KCNN2: variants seen among roughly 807,000 people sequenced by gnomAD.
KCNN2 encodes potassium calcium-activated channel subfamily N member 2.
Under a neutral mutation model 55.5 loss-of-function variants are expected in KCNN2, and 24 were observed. The ratio of observed to expected loss-of-function variants is 0.43; its 90% CI spans 0.31 to 0.61. KCNN2 has a LOEUF of 0.61. KCNN2 is among the 20% of genes least tolerant of loss of function. The pLI is 0.08. For missense variants in KCNN2, 754 were observed against 853.6 expected, an observed-to-expected ratio of 0.88 and a Z score of 1.45; for synonymous variants, 431 against 336.1, an observed-to-expected ratio of 1.28 and a Z score of -3.09.
At chr5:114,070,953 A>G (rs1750556156) in intron 1 of KCNN2, among the ~76,000 whole-genome samples, 1 of 152,232 alleles carries the variant, frequency 6.6e-6, no homozygotes, top group Non-Finnish European at 1.5e-5. Context: ...ATATTCGTAT[A>G]TTACCTGAAT....
At chr5:114,344,073 C>G (rs529744773) in intron 2 of KCNN2, among the ~76,000 whole-genome samples, 7 of 152,140 alleles carry the variant, frequency 4.6e-5, no homozygotes, top group African/African-American at 1.7e-4. Flanking sequence ...CCAGAGATCT[C>G]GAGTTTAGCC....
At chr5:114,108,961 T>C (rs1398049097) in intron 1 of KCNN2, among the ~76,000 whole-genome samples, 1 of 150,408 alleles carries the variant, frequency 6.6e-6, no homozygotes, top group Non-Finnish European at 1.5e-5. Context: ...CCAGAGTGGT[T>C]TATTTATTTT....
intron 1 of KCNN2, among the ~76,000 whole-genome samples, chr5:114,215,356 G>C (rs116467640): frequency 6.6e-6 from 1 of 152,126 alleles, no homozygotes; most frequent in South Asian, 2.1e-4. Flanking sequence ...TTTATAGTAA[G>C]CTGGGAGTAA....
At chr5:114,149,270 G>A (rs60553494) in intron 1 of KCNN2, among the ~76,000 whole-genome samples, 6 of 152,184 alleles carry the variant, frequency 3.9e-5, no homozygotes, top group African/African-American at 1.2e-4. Context: ...AGACCTTATC[G>A]TCGAGACCGA....
At chr5:114,301,822 C>A (rs549960086) in intron 2 of KCNN2, among the ~76,000 whole-genome samples, 1 of 152,294 alleles carries the variant, frequency 6.6e-6, no homozygotes, top group East Asian at 1.9e-4. Flanking sequence ...TGTGGCAAAA[C>A]TACATTTGCT....
chr5:114,376,334 A>T (rs1757945163), intron 2 of KCNN2, among the ~76,000 whole-genome samples: 1 of 152,342 alleles, frequency 6.6e-6, no homozygotes, highest in South Asian at 2.1e-4. Context: ...CGGAACACTC[A>T]GTGGGCCTGC....
At chr5:114,194,956 C>T (rs1753522217) in intron 1 of KCNN2, among the ~76,000 whole-genome samples, 1 of 151,420 alleles carries the variant, frequency 6.6e-6, no homozygotes, top group African/African-American at 2.4e-5. Context: ...CTATTGTTTC[C>T]CCATTCAATT....
chr5:114,129,692 G>A (rs912159773), intron 1 of KCNN2, among the ~76,000 whole-genome samples: 1 of 152,188 alleles, frequency 6.6e-6, no homozygotes, highest in African/African-American at 2.4e-5. Context: ...GAATACCTGA[G>A]TTTCACACGT....
intron 1 of KCNN2, among the ~76,000 whole-genome samples, chr5:114,155,355 G>A (rs1348567763): frequency 1.3e-5 from 2 of 152,154 alleles, no homozygotes; most frequent in Non-Finnish European, 2.9e-5. Context: ...ACATACATGT[G>A]CATCTGTCTT....
At chr5:114,276,911 A>C (rs1188320513) in intron 2 of KCNN2, among the ~76,000 whole-genome samples, 4 of 152,094 alleles carry the variant, frequency 2.6e-5, no homozygotes, top group Admixed American at 2.6e-4. Flanking sequence ...CGATTAATTG[A>C]TGCAAACAGT....
intron 4 of KCNN2, among the ~76,000 whole-genome samples, chr5:114,472,061 C>G (rs796921284): frequency 1.3e-5 from 2 of 152,288 alleles, no homozygotes; most frequent in African/African-American, 4.8e-5. Flanking sequence ...TTCTGTGGTC[C>G]TCTCAGGGTT....
At chr5:114,292,667 T>C (rs1473417296) in intron 2 of KCNN2, among the ~76,000 whole-genome samples, 3 of 152,118 alleles carry the variant, frequency 2.0e-5, no homozygotes, top group African/African-American at 7.2e-5. Context: ...ATTGACTTGG[T>C]GACGCGGGCT....
intron 2 of KCNN2, among the ~76,000 whole-genome samples, chr5:114,403,982 A>G (rs1232958435): frequency 6.6e-6 from 1 of 152,190 alleles, no homozygotes; most frequent in Admixed American, 6.5e-5. Context: ...AAGAACGCTC[A>G]TGTGTTGTTG....
intron 2 of KCNN2, among the ~76,000 whole-genome samples, chr5:114,257,343 C>T (rs1755004417): frequency 6.6e-6 from 1 of 151,472 alleles, no homozygotes; most frequent in African/African-American, 2.4e-5. Context: ...TATTTGGGCT[C>T]TTTTTTGGTT....
chr5:114,401,999 G>T (rs867591110), intron 2 of KCNN2, among the ~76,000 whole-genome samples: 1 of 152,204 alleles, frequency 6.6e-6, no homozygotes, highest in African/African-American at 2.4e-5. Flanking sequence ...TGGTAATGGA[G>T]AGTGAAGGAT....
At chr5:114,490,742 C>T in intron 6 of KCNN2, 1 of 398,150 alleles carries the variant, frequency 2.5e-6, no homozygotes, top group Non-Finnish European at 4.4e-6. Flanking sequence ...GCAGAATTTT[C>T]TACTGGCTGC....
intron 2 of KCNN2, among the ~76,000 whole-genome samples, chr5:114,402,993 C>G (rs756610183): frequency 1.3e-5 from 2 of 152,116 alleles, no homozygotes; most frequent in Admixed American, 6.5e-5. Flanking sequence ...GTGCGAGGAG[C>G]AAGTGCATTG....
At chr5:114,465,654 A>G (rs747598163) in intron 4 of KCNN2, among the ~76,000 whole-genome samples, 1 of 152,046 alleles carries the variant, frequency 6.6e-6, no homozygotes, top group African/African-American at 2.4e-5. Flanking sequence ...ACCATTAAAT[A>G]TATGTGGACA....
chr5:114,300,107 A>T (rs376751028), intron 2 of KCNN2, among the ~76,000 whole-genome samples: 1 of 151,938 alleles, frequency 6.6e-6, no homozygotes, highest in Non-Finnish European at 1.5e-5. Flanking sequence ...TTCTTACAAA[A>T]CCATGAATTC....
Sources: gnomAD v4.1 joint callset for allele counts (sites outside exome capture counted in the v4.1 genomes callset) on GRCh38, gnomAD v4.1.1 for gene constraint, MANE v1.5 for transcripts, NCBI Gene and HGNC (gene_info 2026-07-23, HGNC 2026-07-21) for gene names.